Variants in ACSM1 observed in about 807,000 individuals in gnomAD.
The protein encoded by ACSM1 is acyl-CoA synthetase medium chain family member 1, also known as acyl-coenzyme A synthetase ACSM1, mitochondrial.
ACSM1 carries 79 observed loss-of-function variants against 75.8 expected under a neutral mutation model. The observed-to-expected ratio is 1.04, with a 90% CI of 0.87 to 1.26. ACSM1 has a LOEUF of 1.26. Among genes scored for constraint, ACSM1 ranks in the 50% most tolerant of loss-of-function variants. The pLI, the probability that ACSM1 is intolerant of heterozygous loss-of-function variation, is 0.00. For missense variants in ACSM1, 676 were observed against 720.1 expected (o/e 0.94, Z 0.70); for synonymous variants, 279 against 265.8 (o/e 1.05, Z -0.48).
chr16:20,625,611 G>T, intron 11 of ACSM1, 89 bp from the exon 12 acceptor site: 3 of 1,234,592 alleles, frequency 2.4e-6, no homozygotes, highest in Non-Finnish European at 3.5e-6. Context: ...GCTTCCTTTG[G>T]CACAGAGGGT....
At position 20,636,754 on chromosome 16, in the gene ACSM1, G is replaced by C. The variant is rs61739414; in HGVS notation, c.1284C>G (p.Leu428=). The C allele has an allele frequency of 5.6e-6, 9 of 1,614,032 alleles. No individual in the cohort carries two copies. Among genetic ancestry groups the C allele is most frequent in the Non-Finnish European group, 7.6e-6 (9 of 1,179,916 alleles). Residue 428 remains leucine (L), a synonymous_variant, in exon 10 of 14, where the codon CTC becomes CTG. Transcript: ENST00000520010. ...IRIKPVRPVS[L]FMCYEGDPEK... ...GGGTCATTACCTCATAGCACATGAA[G>C]AGGCTCACAGGCCTGACAGGTTTGA...
intron 4 of ACSM1, among the ~76,000 whole-genome samples, chr16:20,675,162 G>GGTGTGTGTAT (rs1406365423): frequency 6.6e-6 from 1 of 152,080 alleles, no homozygotes; most frequent in Non-Finnish European, 1.5e-5. Flanking sequence ...GGGTAGAAGT[G>GGTGTGTGTAT]GTGTGTGTAT....
In ACSM1 at chr16:20,625,446, T is replaced by C; in HGVS notation, c.1504A>G (p.Ser502Gly). The change falls in exon 12 of 14, where the codon AGC becomes GGC. Residue 502 changes from serine (S) to glycine (G), a missense_variant. Transcript: ENST00000520010. ...PAVAESAVVGSPDPIRGEVVK... is the reference protein window; with the variant it reads ...PAVAESAVVGGPDPIRGEVVK... ...ACCTCCCCTCGAATCGGGTCTGGGC[T>C]GCCCACCACGGCTGACTCCGCCACC... is the stretch of plus-strand genomic sequence containing the variant. 1 of 1,614,154 alleles carries C rather than the reference T, an allele frequency of 6.2e-7. No homozygotes were observed. The highest frequency in any genetic ancestry group is 8.5e-7 in the Non-Finnish European group (1 of 1,180,040).
intron 1 of ACSM1, 126 bp from the exon 2 acceptor site, chr16:20,691,365 C>A: frequency 1.9e-6 from 1 of 529,708 alleles, no homozygotes; most frequent in Admixed American, 4.1e-5. Context: ...GGAAGGCACC[C>A]CTGATTGATT....
chr16:20,641,945 C>T (rs2018086873), intron 7 of ACSM1, among the ~76,000 whole-genome samples: 1 of 152,202 alleles, frequency 6.6e-6, no homozygotes, highest in African/African-American at 2.4e-5. Flanking sequence ...AGCAGACATT[C>T]TGCTTATTTA....
intron 7 of ACSM1, among the ~76,000 whole-genome samples, chr16:20,641,506 C>T (rs1567260766): frequency 6.6e-6 from 1 of 152,216 alleles, no homozygotes; most frequent in Admixed American, 6.5e-5. Flanking sequence ...TCTAAAGTAG[C>T]AGAACATGCT....
At chr16:20,654,897 G>C (rs2018861565) in intron 7 of ACSM1, among the ~76,000 whole-genome samples, 1 of 151,892 alleles carries the variant, frequency 6.6e-6, no homozygotes, top group African/African-American at 2.4e-5. Context: ...CCCATTACTG[G>C]GTATATACCC....
chr16:20,665,235 ATT>A (rs1346258939), intron 6 of ACSM1, among the ~76,000 whole-genome samples: 7 of 152,186 alleles, frequency 4.6e-5, no homozygotes, highest in Non-Finnish European at 1.0e-4. Flanking sequence ...AATAAACAAT[ATT>A]GATAGACTGC....
chr16:20,673,781 A>G (rs1427393202), intron 4 of ACSM1, among the ~76,000 whole-genome samples: 1 of 152,174 alleles, frequency 6.6e-6, no homozygotes, highest in African/African-American at 2.4e-5. Flanking sequence ...ACTACTTCAT[A>G]TATTTTTAAT....
intron 7 of ACSM1, among the ~76,000 whole-genome samples, chr16:20,650,410 C>A (rs112063624): frequency 3.9e-5 from 6 of 152,176 alleles, no homozygotes; most frequent in Admixed American, 3.3e-4. Context: ...CTTGACCCCC[C>A]ACAACGTGCA....
intron 8 of ACSM1, among the ~76,000 whole-genome samples, chr16:20,639,934 A>G (rs527766868): frequency 2.0e-5 from 3 of 152,358 alleles, no homozygotes; most frequent in South Asian, 2.1e-4. Flanking sequence ...GATAAAAAAC[A>G]AAACAAAACT....
rs1401898496 is a variant in ACSM1, at chr16:20,626,523, T to C, written c.1427+666A>G. On this transcript the variant is annotated intron_variant, in intron 11 of 13. Transcript: ENST00000520010. ...CAGTTCAAATCTGGATTGCATCCTG[T>C]GCTATCTTTGAATCTTTAGGCAAAT... 7.2e-5 allele frequency among the ~76,000 whole-genome samples: 11 copies of C among 152,124 alleles called. No homozygotes were observed. In the East Asian group the frequency reaches 1.9e-3, roughly 27 times the overall value.
intron 5 of ACSM1, 51 bp from the exon 6 acceptor site, chr16:20,670,037 G>C: frequency 6.3e-7 from 1 of 1,589,006 alleles, no homozygotes; most frequent in Non-Finnish European, 8.6e-7. Flanking sequence ...CTGATGTGAT[G>C]AAGGGCTGTG....
At chr16:20,691,611 A>T (rs1046728967) in intron 1 of ACSM1, among the ~76,000 whole-genome samples, 1 of 152,140 alleles carries the variant, frequency 6.6e-6, no homozygotes, top group South Asian at 2.1e-4. Context: ...CTTTCTGCCA[A>T]GCCAAATCAT....
At chr16:20,654,419 G>C (rs1193625415) in intron 7 of ACSM1, among the ~76,000 whole-genome samples, 1 of 152,154 alleles carries the variant, frequency 6.6e-6, no homozygotes, top group African/African-American at 2.4e-5. Flanking sequence ...TTAAACTAAA[G>C]AGCTTCTGCA....
chr16:20,670,254 C>T (rs1231231451), intron 5 of ACSM1, among the ~76,000 whole-genome samples: 3 of 152,196 alleles, frequency 2.0e-5, no homozygotes, highest in Non-Finnish European at 4.4e-5. Context: ...TCATCCCTAT[C>T]CATGAAACTG....
chr16:20,686,889 T>C (rs957905275), intron 2 of ACSM1, among the ~76,000 whole-genome samples: 9 of 151,696 alleles, frequency 5.9e-5, no homozygotes, highest in African/African-American at 2.2e-4. Context: ...CAAGAAGACA[T>C]CATGTTGTAC....
Position 20,650,004 on chromosome 16 carries a change from G to A in ACSM1, c.993-9420C>T, listed in dbSNP as rs570784463. Among the ~76,000 whole-genome samples the A allele has an allele frequency of 2.7e-4, 41 of 152,282 alleles. No homozygotes were observed. The South Asian group carries it at 8.5e-3, about 32-fold the overall frequency. On this transcript the variant is annotated intron_variant, in intron 7 of 13. Coordinates refer to ENST00000520010, the MANE Select transcript of ACSM1 (RefSeq NM_001318890.3). ...GAAGACTCAGGACCTTGAAGGAGTT[G>A]CCCAAACTTGGAGCTAAGGTACCAG... is the stretch of plus-strand genomic sequence containing the variant.
At chr16:20,684,878 A>C (rs1232625765) in intron 3 of ACSM1, among the ~76,000 whole-genome samples, 4 of 152,140 alleles carry the variant, frequency 2.6e-5, no homozygotes, top group Non-Finnish European at 5.9e-5. Context: ...TATGAGACAA[A>C]GTTTGGCACT....
Sources: gnomAD v4.1 joint callset for allele counts (sites outside exome capture counted in the v4.1 genomes callset) on GRCh38, gnomAD v4.1.1 for gene constraint, MANE v1.5 for transcripts, NCBI Gene and HGNC (gene_info 2026-07-23, HGNC 2026-07-21) for gene names.